USH2A: variants seen among roughly 807,000 people sequenced by gnomAD.
USH2A encodes usherin.
Under a neutral mutation model 538.9 loss-of-function variants are expected in USH2A, and 443 were observed. The observed-to-expected ratio is 0.82, with a 90% CI of 0.76 to 0.89. USH2A has a LOEUF of 0.89. USH2A is among the 40% of genes least tolerant of loss of function. The pLI is 0.00. For synonymous variants in USH2A, 2,413 were observed against 2,273.5 expected (o/e 1.06, Z -1.75); for missense variants, 6,633 against 6,324.8 (o/e 1.05, Z -1.65).
chr1:215,922,877 G>A (rs961969779), intron 38 of USH2A, among the ~76,000 whole-genome samples: 1 of 152,028 alleles, frequency 6.6e-6, no homozygotes, highest in Non-Finnish European at 1.5e-5. Flanking sequence ...TAGCACAAGA[G>A]TTATTACTAG....
At chr1:215,672,649 C>A (rs576506977) in intron 63 of USH2A, among the ~76,000 whole-genome samples, 3 of 152,170 alleles carry the variant, frequency 2.0e-5, no homozygotes, top group Non-Finnish European at 4.4e-5. Flanking sequence ...CAGACTATTT[C>A]TTCTTACTGA....
At chr1:216,184,988 C>A (rs1256720539) in intron 20 of USH2A, among the ~76,000 whole-genome samples, 1 of 151,860 alleles carries the variant, frequency 6.6e-6, no homozygotes, top group Non-Finnish European at 1.5e-5. Context: ...AATGGATCTC[C>A]AAAAGTAATT....
chr1:216,219,575 A>C (rs1006873448), intron 14 of USH2A, among the ~76,000 whole-genome samples: 3 of 152,140 alleles, frequency 2.0e-5, no homozygotes, highest in Non-Finnish European at 4.4e-5. Flanking sequence ...AAAATTATAC[A>C]TAATAAAGGA....
chr1:216,151,119 A>T (rs1179361768), intron 21 of USH2A, among the ~76,000 whole-genome samples: 1 of 152,042 alleles, frequency 6.6e-6, no homozygotes, highest in African/African-American at 2.4e-5. Context: ...TAGATACTCA[A>T]CGTTTTCTCA....
At chr1:215,681,792 A>G (rs1245225897) in intron 61 of USH2A, among the ~76,000 whole-genome samples, 1 of 152,246 alleles carries the variant, frequency 6.6e-6, no homozygotes. Flanking sequence ...CAGAGAAAAT[A>G]CAATTTCCTT....
chr1:216,093,434 C>T (rs2032353617), intron 22 of USH2A, among the ~76,000 whole-genome samples: 2 of 152,140 alleles, frequency 1.3e-5, no homozygotes, highest in Non-Finnish European at 2.9e-5. Context: ...TGGGCAAATG[C>T]CCTGTGAATG....
At chr1:216,014,738 C>A (rs187523391) in intron 32 of USH2A, among the ~76,000 whole-genome samples, 12 of 152,318 alleles carry the variant, frequency 7.9e-5, no homozygotes, top group African/African-American at 2.4e-4. Context: ...TATCCTTAGA[C>A]GTGTTACAAG....
In USH2A at chr1:215,944,113, A is replaced by C. The variant is rs186805950; in HGVS notation, c.7121-9318T>G. Among the ~76,000 whole-genome samples, 501 of 152,326 alleles carry C rather than the reference A, an allele frequency of 3.3e-3. 17 individuals are homozygous for C. In the East Asian group the frequency reaches 0.058, roughly 18 times the overall value. On this transcript the variant is annotated intron_variant, in intron 37 of 71. Transcript: ENST00000307340. ...TAAATTGCATTTTAATGTATAAACG[A>C]GTTATAATAAAACAGGGTCCCACAA...
chr1:215,865,917 T>C lies in USH2A; in HGVS notation c.8845+1090A>G, dbSNP rs190763193. ...CACAATTGATATCACTCAGGTGTCCTAAATGGAGCATCTCTCTTCTTAAGC... is the reference window on the plus strand; with the variant it reads ...CACAATTGATATCACTCAGGTGTCCCAAATGGAGCATCTCTCTTCTTAAGC... On this transcript the variant is annotated intron_variant, in intron 44 of 71. Coordinates refer to ENST00000307340, the MANE Select transcript of USH2A (RefSeq NM_206933.4). 2.3e-3 allele frequency among the ~76,000 whole-genome samples: 358 copies of C among 152,356 alleles called. 2 individuals carry two copies. Among genetic ancestry groups the C allele is most frequent in the Non-Finnish European group, 1.9e-3 (127 of 68,030 alleles).
intron 20 of USH2A, among the ~76,000 whole-genome samples, chr1:216,180,110 T>C (rs1054374283): frequency 6.6e-6 from 1 of 152,070 alleles, no homozygotes; most frequent in Non-Finnish European, 1.5e-5. Flanking sequence ...AAATATAAGG[T>C]GCTATCATTA....
intron 70 of USH2A, among the ~76,000 whole-genome samples, chr1:215,634,246 A>G (rs1228943978): frequency 6.6e-6 from 1 of 152,230 alleles, no homozygotes; most frequent in Non-Finnish European, 1.5e-5. Flanking sequence ...AAGTCCAGGC[A>G]GTGATATTTT....
At chr1:215,811,990 T>TG (rs1176384963) in intron 49 of USH2A, among the ~76,000 whole-genome samples, 1 of 137,120 alleles carries the variant, frequency 7.3e-6, no homozygotes, top group African/African-American at 2.7e-5. Context: ...GGTTTTTTTT[T>TG]TTTTTTTTTT....
Position 215,878,974 on chromosome 1 carries a change from A to G in USH2A, c.8348T>C (p.Leu2783Pro). ...SAVLSQKVTH[L>P]IPFTNYSVTI... The stretch of plus-strand genomic sequence containing the variant: ...GACAGAATAATTAGTGAAAGGAATC[A>G]GATGAGTAACTTTTTGACTTAACAC... Residue 2783 changes from leucine to proline, a missense_variant, in exon 42 of 72, where the codon CTG becomes CCG. Coordinates refer to ENST00000307340, the MANE Select transcript of USH2A (RefSeq NM_206933.4). 1 of 1,614,138 alleles carries G rather than the reference A, an allele frequency of 6.2e-7. No individual in the cohort carries two copies. Among genetic ancestry groups the G allele is most frequent in the Non-Finnish European group, 8.5e-7 (1 of 1,179,972 alleles).
chr1:216,205,492 T>A (rs2035091522), intron 16 of USH2A, among the ~76,000 whole-genome samples: 1 of 152,184 alleles, frequency 6.6e-6, no homozygotes, highest in Non-Finnish European at 1.5e-5. Context: ...CATAAGAAAC[T>A]AAATTCCAGT....
chr1:216,122,345 G>A (rs1175256547), intron 21 of USH2A, among the ~76,000 whole-genome samples: 3 of 152,146 alleles, frequency 2.0e-5, no homozygotes, highest in South Asian at 4.1e-4. Context: ...GAAGGAAGTG[G>A]GATAGAGCTG....
Position 216,097,195 on chromosome 1 carries a change from C to T in USH2A, c.4646G>A (p.Arg1549Gln), listed in dbSNP as rs190170807. 2.0e-4 allele frequency: 317 copies of T among 1,614,120 alleles called. 2 individuals are homozygous for T. Among genetic ancestry groups the T allele is most frequent in the Non-Finnish European group, 1.6e-4 (193 of 1,179,990 alleles). The change falls in exon 22 of 72, where the codon CGA becomes CAA. Residue 1549 changes from arginine to glutamine, a missense_variant. Physicochemically the swap from Arg to Gln is conservative, Grantham distance 43 (BLOSUM62 1). Coordinates refer to ENST00000307340, the MANE Select transcript of USH2A (RefSeq NM_206933.4). ...TDFTGIKASFRTKVPEGLIVF... is the reference protein window; with the variant it reads ...TDFTGIKASFQTKVPEGLIVF... Reference sequence around the variant, plus strand: ...AATCAAACCTTCAGGCACTTTTGTTCGAAAGCTGGCCTTAATGCCTGGTAA... The same window carrying T: ...AATCAAACCTTCAGGCACTTTTGTTTGAAAGCTGGCCTTAATGCCTGGTAA...
chr1:216,075,053 A>G (rs1313545691), intron 27 of USH2A, among the ~76,000 whole-genome samples: 1 of 152,240 alleles, frequency 6.6e-6, no homozygotes, highest in African/African-American at 2.4e-5. Context: ...TTAAAAATTT[A>G]GCAAAAAACA....
chr1:215,750,664 G>T (rs192643274), intron 58 of USH2A, among the ~76,000 whole-genome samples: 1 of 152,086 alleles, frequency 6.6e-6, no homozygotes, highest in Non-Finnish European at 1.5e-5. Flanking sequence ...TTTGCTTTCC[G>T]CACGTTTAGG....
At chr1:215,979,454 G>A (rs1019596884) in intron 35 of USH2A, among the ~76,000 whole-genome samples, 5 of 152,092 alleles carry the variant, frequency 3.3e-5, no homozygotes, top group African/African-American at 4.8e-5. Flanking sequence ...ACTGACTAGC[G>A]ACAAGATAAA....
Sources: allele counts gnomAD v4.1 joint callset (sites outside exome capture counted in the v4.1 genomes callset), GRCh38; gene constraint gnomAD v4.1.1; transcripts MANE v1.5; gene names NCBI Gene and HGNC (gene_info 2026-07-23, HGNC 2026-07-21).